CHST11: variants seen among roughly 807,000 people sequenced by gnomAD.
CHST11 encodes C4S-1.
Under a neutral mutation model 30.4 loss-of-function variants are expected in CHST11, and 9 were observed. The observed-to-expected ratio is 0.30, with a 90% CI of 0.18 to 0.52. The LOEUF is 0.52. Among genes scored for constraint, CHST11 ranks in the 20% least tolerant of loss-of-function variants. CHST11 has a pLI of 0.97. For missense variants in CHST11, 348 were observed against 460.6 expected, an observed-to-expected ratio of 0.76 and a Z score of 2.24; for synonymous variants, 152 against 187.8, an observed-to-expected ratio of 0.81 and a Z score of 1.56.
Position 104,523,233 on chromosome 12 carries a change from G to T in CHST11, c.118+65704G>T, listed in dbSNP as rs1704912. Among the ~76,000 whole-genome samples the T allele has an allele frequency of 7.2e-5, 11 of 152,184 alleles. No individual in the cohort carries two copies. The East Asian group carries it at 9.7e-4, about 13-fold the overall frequency. The stretch of plus-strand genomic sequence containing the variant: ...TTTCCTATCTGTTTCCAGATGTGTG[G>T]GTGGGGTTTCTTGTCTCTGTCTCTG... On this transcript the variant is annotated intron_variant, in intron 1 of 2. Transcript: ENST00000303694.
intron 2 of CHST11, among the ~76,000 whole-genome samples, chr12:104,675,148 A>G (rs1592832335): frequency 6.6e-6 from 1 of 152,344 alleles, no homozygotes; most frequent in African/African-American, 2.4e-5. Flanking sequence ...ATATATTAAA[A>G]TATTCTGGCC....
chr12:104,739,863 C>T (rs7134631), intron 2 of CHST11, among the ~76,000 whole-genome samples: 2,372 of 152,286 alleles, frequency 0.016, 61 homozygotes, highest in African/African-American at 0.054. Flanking sequence ...GGGCCATTGC[C>T]AAATTTTACA....
chr12:104,709,600 G>A (rs554537251), intron 2 of CHST11, among the ~76,000 whole-genome samples: 56 of 152,250 alleles, frequency 3.7e-4, no homozygotes, highest in Admixed American at 2.1e-3. Context: ...GTGACCTGCC[G>A]AGAACCCAAG....
In CHST11 at chr12:104,747,129, A is replaced by T. The variant is rs1053404606; in HGVS notation, c.205-9820A>T. Reference sequence around the variant, plus strand: ...ATAACAGATCTCTGGGGTGGGACTCAGTCCTCAGTGTTTAAAGCTCTCCTA... The same window carrying T: ...ATAACAGATCTCTGGGGTGGGACTCTGTCCTCAGTGTTTAAAGCTCTCCTA... On this transcript the variant is annotated intron_variant, in intron 2 of 2. Coordinates refer to ENST00000303694, the MANE Select transcript of CHST11 (RefSeq NM_018413.6). Among the ~76,000 whole-genome samples the T allele has an allele frequency of 6.6e-5, 10 of 152,346 alleles. 1 individual carries two copies. Among genetic ancestry groups the T allele is most frequent in the Admixed American group, 6.5e-5 (1 of 15,306 alleles).
At chr12:104,498,317 C>T (rs2037820313) in intron 1 of CHST11, among the ~76,000 whole-genome samples, 1 of 152,160 alleles carries the variant, frequency 6.6e-6, no homozygotes, top group Admixed American at 6.5e-5. Flanking sequence ...TCACTCTTCT[C>T]CCTCCTGGGC....
At chr12:104,565,447 A>C (rs1356189588) in intron 1 of CHST11, among the ~76,000 whole-genome samples, 1 of 151,696 alleles carries the variant, frequency 6.6e-6, no homozygotes, top group Non-Finnish European at 1.5e-5. Context: ...CTGTATTTTT[A>C]GTAGAGGCGG....
intron 1 of CHST11, among the ~76,000 whole-genome samples, chr12:104,573,155 A>T (rs1221343867): frequency 6.6e-6 from 1 of 152,106 alleles, no homozygotes; most frequent in East Asian, 1.9e-4. Flanking sequence ...ACTTACAAGG[A>T]TGTGAAGGAC....
chr12:104,521,600 CTGCATCTAGCT>C (rs1341070892), intron 1 of CHST11, among the ~76,000 whole-genome samples: 1 of 152,186 alleles, frequency 6.6e-6, no homozygotes, highest in African/African-American at 2.4e-5. Context: ...AGGAAGGTGA[CTGCATCTAGCT>C]TCTGCCCCAA....
rs370574136 is a variant in CHST11, at chr12:104,499,725, A to C, written c.118+42196A>C. Among the ~76,000 whole-genome samples, 57 of 152,264 alleles carry C rather than the reference A, an allele frequency of 3.7e-4. No homozygotes were observed. The South Asian group carries it at 8.3e-3, about 22-fold the overall frequency. Reference sequence around the variant, plus strand: ...AAAAAAGGCAGGAAGGGAAATGATCAAAAATAGGGGTGGGTTTTCTGGGCC... The same window carrying C: ...AAAAAAGGCAGGAAGGGAAATGATCCAAAATAGGGGTGGGTTTTCTGGGCC... On this transcript the variant is annotated intron_variant, in intron 1 of 2. Transcript: ENST00000303694.
chr12:104,486,842 G>C (rs968615942), intron 1 of CHST11, among the ~76,000 whole-genome samples: 7 of 152,174 alleles, frequency 4.6e-5, no homozygotes, highest in African/African-American at 1.7e-4. Context: ...TCTGAAGGAA[G>C]AGCATGTTTA....
At chr12:104,714,166 G>A (rs983336792) in intron 2 of CHST11, among the ~76,000 whole-genome samples, 38 of 152,184 alleles carry the variant, frequency 2.5e-4, no homozygotes, top group Admixed American at 2.4e-3. Flanking sequence ...TGAAGAAGGC[G>A]CACTGGGAGA....
rs147157090 is a variant in CHST11, at chr12:104,730,599, G to A, written c.205-26350G>A. The stretch of plus-strand genomic sequence containing the variant: ...AGTGTGGCGTGGCTGGCCCAGCGAC[G>A]GGCCCAGAGGAGGAGACACTTGGTT... On this transcript the variant is annotated intron_variant, in intron 2 of 2. Transcript: ENST00000303694. Among the ~76,000 whole-genome samples the A allele has an allele frequency of 5.9e-5, 9 of 152,294 alleles. No individual in the cohort carries two copies. In the East Asian group the frequency reaches 1.7e-3, roughly 29 times the overall value.
At chr12:104,683,755 G>A (rs1003513398) in intron 2 of CHST11, among the ~76,000 whole-genome samples, 5 of 152,130 alleles carry the variant, frequency 3.3e-5, no homozygotes, top group Admixed American at 1.3e-4. Context: ...GCGCATTGCC[G>A]GGCAGTGAGT....
intron 2 of CHST11, among the ~76,000 whole-genome samples, chr12:104,652,557 AT>A (rs2039501836): frequency 6.6e-6 from 1 of 152,160 alleles, no homozygotes; most frequent in South Asian, 2.1e-4. Context: ...CAGATTTGGA[AT>A]GGTTTAGATG....
intron 1 of CHST11, among the ~76,000 whole-genome samples, chr12:104,521,292 G>A (rs572406938): frequency 5.9e-5 from 9 of 152,180 alleles, no homozygotes; most frequent in African/African-American, 1.7e-4. Flanking sequence ...ATGCATATCC[G>A]CAACAGGTGA....
At chr12:104,521,526 C>T (rs563705569) in intron 1 of CHST11, among the ~76,000 whole-genome samples, 1 of 152,254 alleles carries the variant, frequency 6.6e-6, no homozygotes, top group African/African-American at 2.4e-5. Flanking sequence ...CCCAAGAATA[C>T]ACTGAGTGAG....
In CHST11 at chr12:104,609,561, C is replaced by T. The variant is rs879669929; in HGVS notation, c.204+7570C>T. Among the ~76,000 whole-genome samples, 11 of 152,158 alleles carry T rather than the reference C, an allele frequency of 7.2e-5. 1 individual carries two copies. The highest frequency in any genetic ancestry group is 7.2e-4 in the Admixed American group (11 of 15,290). On this transcript the variant is annotated intron_variant, in intron 2 of 2. Coordinates refer to ENST00000303694, the MANE Select transcript of CHST11 (RefSeq NM_018413.6). ...AGCCAGGGGACATGACAGTCAAACA[C>T]AATTTGGGTTTAGAGGAAAGGATTG...
At chr12:104,605,848 C>G (rs2038999758) in intron 2 of CHST11, among the ~76,000 whole-genome samples, 1 of 152,288 alleles carries the variant, frequency 6.6e-6, no homozygotes, top group East Asian at 1.9e-4. Flanking sequence ...GCCTAATTTC[C>G]CCTAAATGCC....
intron 2 of CHST11, among the ~76,000 whole-genome samples, chr12:104,657,309 T>C (rs931226640): frequency 6.6e-6 from 1 of 152,230 alleles, no homozygotes; most frequent in Non-Finnish European, 1.5e-5. Flanking sequence ...TTACGCACAT[T>C]TTAAGTTATT....
Sources: allele counts gnomAD v4.1 joint callset (sites outside exome capture counted in the v4.1 genomes callset), GRCh38; gene constraint gnomAD v4.1.1; transcripts MANE v1.5; gene names NCBI Gene and HGNC (gene_info 2026-07-23, HGNC 2026-07-21).